Variants in GABRA5 observed in about 807,000 individuals in gnomAD.
The protein encoded by GABRA5 is gamma-aminobutyric acid receptor subunit alpha-5.
In GABRA5, 18 loss-of-function variants were observed where a neutral mutation model predicts 47.3. The observed-to-expected ratio is 0.38, with a 90% CI of 0.26 to 0.56. The LOEUF (loss-of-function observed/expected upper bound fraction) is 0.56, where lower values mean the gene tolerates loss of function less well. GABRA5 is among the 20% of genes least tolerant of loss of function. GABRA5 has a pLI of 0.71. For synonymous variants in GABRA5, 237 were observed against 229.3 expected (o/e 1.03, Z -0.30); for missense variants, 365 against 599.3 (o/e 0.61, Z 4.08).
At chr15:26,882,781 C>T (rs2140255040) in intron 4 of GABRA5, among the ~76,000 whole-genome samples, 1 of 152,262 alleles carries the variant, frequency 6.6e-6, no homozygotes, top group South Asian at 2.1e-4. Flanking sequence ...TAAAGCCCCT[C>T]TCTGTGGCGA....
chr15:26,888,354 G>C (rs1795002156), intron 6 of GABRA5, among the ~76,000 whole-genome samples: 2 of 152,200 alleles, frequency 1.3e-5, no homozygotes, highest in Non-Finnish European at 2.9e-5. Flanking sequence ...AATGGAGTGA[G>C]CCAGTTTACA....
At chr15:26,878,944 A>G (rs1179855952) in intron 3 of GABRA5, among the ~76,000 whole-genome samples, 3 of 152,174 alleles carry the variant, frequency 2.0e-5, no homozygotes, top group Non-Finnish European at 4.4e-5. Flanking sequence ...GCTTCTGGAG[A>G]GAGCCACGGA....
intron 7 of GABRA5, among the ~76,000 whole-genome samples, chr15:26,935,554 G>A (rs973998348): frequency 2.6e-5 from 4 of 152,296 alleles, no homozygotes; most frequent in East Asian, 1.9e-4. Context: ...CCCTGGTCTC[G>A]GGTTAGTATG....
At position 26,888,340 on chromosome 15, in the gene GABRA5, A is replaced by T. The variant is rs540404973; in HGVS notation, c.497+4783A>T. Among the ~76,000 whole-genome samples the T allele has an allele frequency of 7.2e-5, 11 of 152,322 alleles. No homozygotes were observed. The East Asian group carries it at 2.1e-3, about 29-fold the overall frequency. ...ACAATTTCTTTGAGGACCATTTTTCAGCAAATGGAGTGAGCCAGTTTACAG... is the reference window on the plus strand; with the variant it reads ...ACAATTTCTTTGAGGACCATTTTTCTGCAAATGGAGTGAGCCAGTTTACAG... On this transcript the variant is annotated intron_variant, in intron 6 of 10. Coordinates refer to ENST00000335625, the MANE Select transcript of GABRA5 (RefSeq NM_000810.4).
chr15:26,944,197 C>T (rs1189432115), intron 10 of GABRA5, among the ~76,000 whole-genome samples: 1 of 152,160 alleles, frequency 6.6e-6, no homozygotes, highest in East Asian at 1.9e-4. Context: ...AGAGAGGCCT[C>T]GAAGTGTAAG....
intron 7 of GABRA5, among the ~76,000 whole-genome samples, chr15:26,927,080 C>T (rs1159778593): frequency 6.6e-6 from 1 of 151,794 alleles, no homozygotes; most frequent in Non-Finnish European, 1.5e-5. Flanking sequence ...ACTCTTATGT[C>T]AAATTTATTT....
intron 6 of GABRA5, among the ~76,000 whole-genome samples, chr15:26,897,306 T>G (rs560902942): frequency 6.6e-6 from 1 of 152,236 alleles, no homozygotes; most frequent in Admixed American, 6.5e-5. Context: ...AACTGGATCC[T>G]TATACAATGA....
intron 7 of GABRA5, among the ~76,000 whole-genome samples, chr15:26,928,980 C>T (rs1894026859): frequency 1.3e-5 from 2 of 152,106 alleles, no homozygotes; most frequent in African/African-American, 4.8e-5. Flanking sequence ...TCCCAACGCC[C>T]CACCTGCTAA....
chr15:26,887,621 G>A (rs1395245994), intron 6 of GABRA5, among the ~76,000 whole-genome samples: 7 of 152,042 alleles, frequency 4.6e-5, no homozygotes, highest in Admixed American at 6.6e-5. Context: ...CAAAGTGCTG[G>A]GATTACAGGT....
At chr15:26,893,877 C>T (rs1462064354) in intron 6 of GABRA5, among the ~76,000 whole-genome samples, 1 of 152,074 alleles carries the variant, frequency 6.6e-6, no homozygotes, top group Admixed American at 6.6e-5. Flanking sequence ...AGATGTGAGA[C>T]CTATGTGCGC....
chr15:26,934,264 A>AAAAG (rs1318969214), intron 7 of GABRA5, among the ~76,000 whole-genome samples: 11 of 150,876 alleles, frequency 7.3e-5, no homozygotes, highest in Middle Eastern at 3.4e-3. Context: ...AAAAAAAAAA[A>AAAAG]AAAGAAAGAA....
At position 26,867,153 on chromosome 15, in the gene GABRA5, T is replaced by TGCGGCGG. The variant is rs1892333246; in HGVS notation, c.-140+49_-140+55dup. ...GTGCGCCGGGGGCGCTGGGGGGCTCTGCGGCGGGCGGCGCGCGGCCCGGGG... is the reference window on the plus strand; with the variant it reads ...GTGCGCCGGGGGCGCTGGGGGGCTCTGCGGCGGGCGGCGGGCGGCGCGCGGCCCGGGG... On this transcript the variant is annotated intron_variant, in intron 1 of 10. Transcript: ENST00000335625. The surrounding 1 kb of genome is among the most constrained non-coding windows in gnomAD (Gnocchi z 5.9). The TGCGGCGG allele has an allele frequency of 6.7e-6, 1 of 149,272 alleles. No homozygotes were observed. 9.2% of individuals were successfully genotyped at this position (149,272 alleles called of 1,614,324 possible).
At chr15:26,942,497 G>A (rs997574612) in intron 9 of GABRA5, among the ~76,000 whole-genome samples, 1 of 152,210 alleles carries the variant, frequency 6.6e-6, no homozygotes, top group Non-Finnish European at 1.5e-5. Context: ...CCTGTTTGCA[G>A]GGAGCCCTCT....
chr15:26,917,222 G>A (rs1893737477), intron 7 of GABRA5, among the ~76,000 whole-genome samples: 1 of 151,990 alleles, frequency 6.6e-6, no homozygotes, highest in Admixed American at 6.6e-5. Context: ...TTCATATGTG[G>A]CATTTATCAT....
intron 7 of GABRA5, among the ~76,000 whole-genome samples, chr15:26,917,200 C>T (rs1893736902): frequency 6.6e-6 from 1 of 152,042 alleles, no homozygotes. Flanking sequence ...CTATGCAATT[C>T]ACTGTGGGAT....
At chr15:26,899,969 C>A (rs895033343) in intron 6 of GABRA5, among the ~76,000 whole-genome samples, 4 of 151,894 alleles carry the variant, frequency 2.6e-5, no homozygotes, top group African/African-American at 9.7e-5. Context: ...TTCTACAGTT[C>A]TTTCATTTCT....
chr15:26,945,103 C>T (rs1263007383), intron 10 of GABRA5, among the ~76,000 whole-genome samples: 1 of 152,222 alleles, frequency 6.6e-6, no homozygotes, highest in East Asian at 1.9e-4. Context: ...AAAGGGTCTT[C>T]TAGAATAAGC....
chr15:26,928,709 G>C (rs1399376833), intron 7 of GABRA5, among the ~76,000 whole-genome samples: 1 of 152,122 alleles, frequency 6.6e-6, no homozygotes, highest in African/African-American at 2.4e-5. Context: ...GCTTTAGTCT[G>C]GTTTGGCTGT....
At chr15:26,924,937 C>T (rs1049998900) in intron 7 of GABRA5, among the ~76,000 whole-genome samples, 3 of 152,160 alleles carry the variant, frequency 2.0e-5, no homozygotes, top group Admixed American at 1.3e-4. Context: ...CCTTCGGTTC[C>T]AAGACCTATC....
Sources: allele counts gnomAD v4.1 joint callset (sites outside exome capture counted in the v4.1 genomes callset), GRCh38; gene constraint gnomAD v4.1.1; non-coding constraint Gnocchi (gnomAD v3.1); transcripts MANE v1.5; gene names NCBI Gene and HGNC (gene_info 2026-07-23, HGNC 2026-07-21).